The following CBX1 variants were observed in gnomAD, a reference collection of about 807,000 sequenced individuals.
The protein encoded by CBX1 is chromobox 1, also known as chromobox protein homolog 1.
In CBX1, 10 loss-of-function variants were observed where a neutral mutation model predicts 25.1. That is an observed-to-expected ratio of 0.40 (90% CI 0.25 to 0.68). CBX1 has a LOEUF of 0.68. Ranked by LOEUF, CBX1 falls within the 30% of genes least tolerant of loss-of-function variation. The pLI is 0.40. For synonymous variants in CBX1, 63 were observed against 79.4 expected (o/e 0.79, Z 1.10); for missense variants, 106 against 218.5 (o/e 0.49, Z 3.25).
At chr17:48,082,287 G>A (rs1367574384) in intron 1 of CBX1, among the ~76,000 whole-genome samples, 1 of 151,962 alleles carries the variant, frequency 6.6e-6, no homozygotes, top group Non-Finnish European at 1.5e-5. Context: ...CAGATCACGA[G>A]GTCAGGAGAT....
intron 1 of CBX1, among the ~76,000 whole-genome samples, chr17:48,080,426 C>G (rs1171124552): frequency 6.6e-6 from 1 of 151,938 alleles, no homozygotes; most frequent in Non-Finnish European, 1.5e-5. Context: ...CAAAATTGAT[C>G]AACAAAACTG....
chr17:48,091,535 CTTTTTTT>C (rs4053473), intron 1 of CBX1, among the ~76,000 whole-genome samples: 4 of 72,168 alleles, frequency 5.5e-5, no homozygotes, highest in African/African-American at 1.0e-4. Context: ...CCACCATGCC[CTTTTTTT>C]TTTTTTTTTT....
chr17:48,084,202 C>CTTTTTT (rs869263376), intron 1 of CBX1, among the ~76,000 whole-genome samples: 2 of 61,318 alleles, frequency 3.3e-5, no homozygotes, highest in African/African-American at 8.1e-5. Context: ...TCTTTCTTTC[C>CTTTTTT]TTTTTTTTTT....
intron 1 of CBX1, among the ~76,000 whole-genome samples, chr17:48,091,206 A>C (rs1598314024): frequency 6.6e-6 from 1 of 152,202 alleles, no homozygotes; most frequent in South Asian, 2.1e-4. Flanking sequence ...AGACTGAGGG[A>C]ATGGGAGGCA....
At chr17:48,081,265 G>A (rs1387282058) in intron 1 of CBX1, among the ~76,000 whole-genome samples, 1 of 151,600 alleles carries the variant, frequency 6.6e-6, no homozygotes, top group East Asian at 1.9e-4. Context: ...GCTATGAGCC[G>A]AAAGGGTCAG....
intron 1 of CBX1, among the ~76,000 whole-genome samples, chr17:48,081,607 T>C (rs1241465162): frequency 6.6e-6 from 1 of 152,044 alleles, no homozygotes; most frequent in Non-Finnish European, 1.5e-5. Flanking sequence ...CCCAGCTAAT[T>C]TTTTTAATAC....
chr17:48,097,487 C>A lies in CBX1; in HGVS notation c.-38+3781G>T, dbSNP rs796671606. ...AAAAATTAGCCGGGCGTTGTCGGGG[C>A]CCCCTGGTAGTCCCAGCTACTCCGG... On this transcript the variant is annotated intron_variant, in intron 1 of 4. Coordinates refer to ENST00000225603, the MANE Select transcript of CBX1 (RefSeq NM_001127228.2). Among the ~76,000 whole-genome samples the A allele has an allele frequency of 9.9e-5, 15 of 150,784 alleles. 1 individual carries two copies. Among genetic ancestry groups the A allele is most frequent in the African/African-American group, 3.7e-4 (15 of 41,034 alleles).
intron 3 of CBX1, 70 bp downstream of exon 3, chr17:48,075,931 A>C (rs2144430907): frequency 3.3e-6 from 4 of 1,194,954 alleles, no homozygotes. Flanking sequence ...ATCAGGGAAG[A>C]AGCAGAACAA....
intron 1 of CBX1, chr17:48,100,822 T>C: frequency 1.0e-6 from 1 of 985,598 alleles, no homozygotes. Context: ...CAAAGCCAGG[T>C]TCCTCTGGCA....
chr17:48,096,414 T>G, intron 1 of CBX1: 1 of 975,940 alleles, frequency 1.0e-6, no homozygotes, highest in Non-Finnish European at 1.2e-6. Context: ...AAAGGTGAAT[T>G]TAAGATAAAA....
intron 1 of CBX1, among the ~76,000 whole-genome samples, chr17:48,081,386 A>G (rs1418319603): frequency 2.0e-5 from 3 of 152,164 alleles, no homozygotes; most frequent in Non-Finnish European, 4.4e-5. Context: ...TAGGTAAAGA[A>G]AGCGCCCAAA....
intron 1 of CBX1, among the ~76,000 whole-genome samples, chr17:48,083,335 G>A (rs1304295041): frequency 6.7e-6 from 1 of 150,292 alleles, no homozygotes; most frequent in Admixed American, 6.6e-5. Context: ...AATTCCACCT[G>A]CACCCCTATT....
In CBX1 at chr17:48,076,903, G is replaced by A; in HGVS notation, c.102C>T (p.Gly34=). 3.1e-6 allele frequency: 5 copies of A among 1,613,032 alleles called. No individual in the cohort carries two copies. The highest frequency in any genetic ancestry group is 4.2e-6 in the Non-Finnish European group (5 of 1,179,720). The part of the protein sequence containing the change: ...EKVLDRRVVK[G]KVEYLLKWKG... ...TCCACTTTAGGAGGTACTCCACTTT[G>A]CCCTTTACCACTCGACGGTCGAGAA... Residue 34 remains glycine, a synonymous_variant, in exon 2 of 5, where the codon GGC becomes GGT. Transcript: ENST00000225603.
At chr17:48,090,927 CAAGT>C (rs750496060) in intron 1 of CBX1, among the ~76,000 whole-genome samples, 38 of 152,356 alleles carry the variant, frequency 2.5e-4, no homozygotes, top group Admixed American at 3.3e-4. Flanking sequence ...CTAGTGCAGA[CAAGT>C]GAGTGAGCAC....
At chr17:48,098,454 A>G (rs1181250490) in intron 1 of CBX1, among the ~76,000 whole-genome samples, 1 of 152,146 alleles carries the variant, frequency 6.6e-6, no homozygotes, top group East Asian at 1.9e-4. Flanking sequence ...TGAACGGCCT[A>G]CTATGTGCCA....
Position 48,080,995 on chromosome 17 carries a change from A to AT in CBX1, c.-37-3955_-37-3954insA, listed in dbSNP as rs1567765634. ...ATATATATATATATATATATATATA[A>AT]AATTTGTCTTAGAAAAATAAATAGC... On this transcript the variant is annotated intron_variant, in intron 1 of 4. Coordinates refer to ENST00000225603, the MANE Select transcript of CBX1 (RefSeq NM_001127228.2). 2.8e-4 allele frequency among the ~76,000 whole-genome samples: 21 copies of AT among 74,908 alleles called. 1 individual carries two copies. Among genetic ancestry groups the AT allele is most frequent in the Admixed American group, 1.2e-3 (9 of 7,282 alleles). 49.1% of individuals were successfully genotyped at this position (74,908 alleles called of 152,430 possible). A position where few individuals can be genotyped will look rare whatever the true frequency, so the allele number is the denominator to read the frequency against.
intron 1 of CBX1, among the ~76,000 whole-genome samples, chr17:48,079,095 C>T (rs530205286): frequency 1.1e-4 from 17 of 151,338 alleles, no homozygotes; most frequent in Non-Finnish European, 1.9e-4. Context: ...CCGAACCCAG[C>T]TCCAGCCCCG....
intron 1 of CBX1, among the ~76,000 whole-genome samples, chr17:48,082,360 G>C (rs2037746917): frequency 6.6e-6 from 1 of 151,614 alleles, no homozygotes; most frequent in Non-Finnish European, 1.5e-5. Context: ...AAATTAGCTG[G>C]GTGTGATGGC....
chr17:48,086,358 A>C (rs903224366), intron 1 of CBX1, among the ~76,000 whole-genome samples: 2 of 152,346 alleles, frequency 1.3e-5, no homozygotes, highest in Admixed American at 6.5e-5. Flanking sequence ...GGGTACGAGA[A>C]GGCTTCAAGA....
Sources: allele counts gnomAD v4.1 joint callset (sites outside exome capture counted in the v4.1 genomes callset), GRCh38; gene constraint gnomAD v4.1.1; transcripts MANE v1.5; gene names NCBI Gene and HGNC (gene_info 2026-07-23, HGNC 2026-07-21).